The following MACROD2 variants were observed in gnomAD, a reference collection of about 807,000 sequenced individuals.
The protein encoded by MACROD2 is ADP-ribose glycohydrolase MACROD2.
In MACROD2, 36 loss-of-function variants were observed where a neutral mutation model predicts 70.4. The ratio of observed to expected loss-of-function variants is 0.51; its 90% CI spans 0.39 to 0.68. The LOEUF is 0.68. Among genes scored for constraint, MACROD2 ranks in the 30% least tolerant of loss-of-function variants. MACROD2 has a pLI of 0.00. For missense variants in MACROD2, 496 were observed against 538.4 expected, an observed-to-expected ratio of 0.92 and a Z score of 0.78; for synonymous variants, 172 against 178.8, an observed-to-expected ratio of 0.96 and a Z score of 0.30.
At chr20:14,935,045 C>T (rs1452329384) in intron 5 of MACROD2, 1 of 151,976 alleles carries the variant, frequency 6.6e-6, no homozygotes, top group Non-Finnish European at 1.5e-5. Context: ...AGCCTCCAGC[C>T]ATGGAGCAGG....
chr20:14,091,729 A>G (rs1278791998), intron 3 of MACROD2, among the ~76,000 whole-genome samples: 1 of 152,128 alleles, frequency 6.6e-6, no homozygotes, highest in Non-Finnish European at 1.5e-5. Flanking sequence ...TTCAGATTGT[A>G]TTAATGAATT....
chr20:15,876,041 A>G (rs1056069378), intron 9 of MACROD2, among the ~76,000 whole-genome samples: 1 of 149,026 alleles, frequency 6.7e-6, no homozygotes, highest in South Asian at 2.1e-4. Flanking sequence ...TCTGCAAACT[A>G]TATTCCACTT....
At chr20:14,784,043 A>G (rs1040505477) in intron 5 of MACROD2, among the ~76,000 whole-genome samples, 1 of 152,130 alleles carries the variant, frequency 6.6e-6, no homozygotes, top group Non-Finnish European at 1.5e-5. Context: ...GGGCTCTGAG[A>G]TGGTAAAGGC....
In MACROD2 at chr20:14,179,493, T is replaced by C. The variant is rs73612339; in HGVS notation, c.271+93765T>C. On this transcript the variant is annotated intron_variant, in intron 3 of 17. Coordinates refer to ENST00000684519, the MANE Select transcript of MACROD2 (RefSeq NM_001351661.2). ...TAGCAGATAAATGTACTATTCTGTC[T>C]ATCTACTGTGGCCATTCTCCAATTT... Among the ~76,000 whole-genome samples, 71 of 152,350 alleles carry C rather than the reference T, an allele frequency of 4.7e-4. 2 individuals carry two copies. The East Asian group carries it at 0.013, about 27-fold the overall frequency.
intron 3 of MACROD2, among the ~76,000 whole-genome samples, chr20:14,474,633 TTTATATATTTAGGTGCTC>T (rs1354887018): frequency 2.0e-5 from 3 of 152,172 alleles, no homozygotes; most frequent in Non-Finnish European, 4.4e-5. Flanking sequence ...TAACATTTAC[TTTATATATTTAGGTGCTC>T]TGATGTTGGG....
rs558990441 is a variant in MACROD2 at position 15,920,237 on chromosome 20, G to T, written c.776-13039G>T. ...TATATGCAGAAAGGAGATGACGGGG[G>T]TTAGAGTTCTCCTTTTGCTTAGGCT... On this transcript the variant is annotated intron_variant, in intron 10 of 17. Coordinates refer to ENST00000684519, the MANE Select transcript of MACROD2 (RefSeq NM_001351661.2). Among the ~76,000 whole-genome samples, 8 of 152,288 alleles carry T rather than the reference G, an allele frequency of 5.3e-5. No individual in the cohort carries two copies. The South Asian group carries it at 1.2e-3, about 24-fold the overall frequency.
At chr20:14,586,083 C>T (rs1366689882) in intron 4 of MACROD2, among the ~76,000 whole-genome samples, 1 of 152,040 alleles carries the variant, frequency 6.6e-6, no homozygotes, top group African/African-American at 2.4e-5. Flanking sequence ...TAATTCTTTA[C>T]ATTTTGGAGA....
At chr20:14,989,971 G>A (rs2074886915) in intron 5 of MACROD2, among the ~76,000 whole-genome samples, 1 of 152,062 alleles carries the variant, frequency 6.6e-6, no homozygotes. Context: ...GGATCTTCAT[G>A]AGCTGTGGTT....
intron 4 of MACROD2, among the ~76,000 whole-genome samples, chr20:14,595,513 G>T (rs1982068300): frequency 6.6e-6 from 1 of 152,060 alleles, no homozygotes; most frequent in Non-Finnish European, 1.5e-5. Flanking sequence ...CCTTACACTT[G>T]GCTGTCTCAA....
intron 3 of MACROD2, among the ~76,000 whole-genome samples, chr20:14,407,319 T>A (rs1410957889): frequency 6.6e-6 from 1 of 152,070 alleles, no homozygotes; most frequent in East Asian, 1.9e-4. Flanking sequence ...TGGCATCTCC[T>A]TGGAAGCTGC....
At chr20:15,106,779 A>G (rs899407638) in intron 5 of MACROD2, among the ~76,000 whole-genome samples, 1 of 152,086 alleles carries the variant, frequency 6.6e-6, no homozygotes, top group African/African-American at 2.4e-5. Flanking sequence ...GCCCAGATAC[A>G]TGTTAGGTGC....
At chr20:15,894,702 C>A (rs952661424) in intron 10 of MACROD2, among the ~76,000 whole-genome samples, 1 of 152,186 alleles carries the variant, frequency 6.6e-6, no homozygotes, top group African/African-American at 2.4e-5. Context: ...ACTGGCCTGG[C>A]CTTCTGTCAG....
intron 15 of MACROD2, among the ~76,000 whole-genome samples, chr20:16,004,237 G>T (rs375706280): frequency 1.3e-5 from 2 of 152,038 alleles, no homozygotes; most frequent in African/African-American, 4.8e-5. Context: ...CTCTCTTCCC[G>T]CATATGCCCT....
chr20:14,709,429 G>A (rs1042458168), intron 5 of MACROD2, among the ~76,000 whole-genome samples: 8 of 152,038 alleles, frequency 5.3e-5, no homozygotes, highest in Non-Finnish European at 1.5e-5. Flanking sequence ...AAGGTAAGGA[G>A]GGTGTTTGGG....
chr20:15,022,606 C>G (rs369465792), intron 5 of MACROD2, among the ~76,000 whole-genome samples: 200 of 152,314 alleles, frequency 1.3e-3, no homozygotes, highest in African/African-American at 4.7e-3. Flanking sequence ...TTAGAGCATT[C>G]TTGCACACAC....
intron 3 of MACROD2, among the ~76,000 whole-genome samples, chr20:14,271,351 T>C (rs527781194): frequency 6.6e-6 from 1 of 152,338 alleles, no homozygotes; most frequent in East Asian, 1.9e-4. Context: ...TCTGCTGTTC[T>C]GCAGCCACCG....
At chr20:15,533,061 G>T (rs2047826170) in intron 8 of MACROD2, among the ~76,000 whole-genome samples, 1 of 152,084 alleles carries the variant, frequency 6.6e-6, no homozygotes, top group Non-Finnish European at 1.5e-5. Context: ...TTATTGAAAT[G>T]GATTTAGTTT....
intron 3 of MACROD2, among the ~76,000 whole-genome samples, chr20:14,339,375 G>A (rs543991443): frequency 3.9e-5 from 6 of 152,168 alleles, no homozygotes; most frequent in African/African-American, 9.7e-5. Flanking sequence ...GGAGGAAAGG[G>A]AGGTGGATAT....
Position 15,082,442 on chromosome 20 carries a change from C to T in MACROD2, c.419-147498C>T, listed in dbSNP as rs537139552. ...GGTAATTCTCCTAACTCAATAACTT[C>T]TTAGTCTCGTATTCTTGAAGTCATG... On this transcript the variant is annotated intron_variant, in intron 5 of 17. Transcript: ENST00000684519. Among the ~76,000 whole-genome samples the T allele has an allele frequency of 7.4e-5, 11 of 149,216 alleles. No homozygotes were observed. In the South Asian group the frequency reaches 2.3e-3, roughly 32 times the overall value.
Sources: gnomAD v4.1 joint callset for allele counts (sites outside exome capture counted in the v4.1 genomes callset) on GRCh38, gnomAD v4.1.1 for gene constraint, MANE v1.5 for transcripts, NCBI Gene and HGNC (gene_info 2026-07-23, HGNC 2026-07-21) for gene names.